The following RHOF variants were observed in gnomAD, a reference collection of about 807,000 sequenced individuals.
The protein encoded by RHOF is ras homolog family member F, filopodia associated.
In RHOF, 21 loss-of-function variants were observed where a neutral mutation model predicts 22.2. The ratio of observed to expected loss-of-function variants is 0.95; its 90% CI spans 0.67 to 1.36. The LOEUF is 1.36. Ranked by LOEUF, RHOF falls within the 40% of genes most tolerant of loss-of-function variation. RHOF has a pLI of 0.00. For synonymous variants in RHOF, 135 were observed against 131.2 expected (o/e 1.03, Z -0.20); for missense variants, 285 against 293.7 (o/e 0.97, Z 0.22).
chr12:121,781,877 T>TC (rs1264412925), intron 2 of RHOF: 1 of 151,238 alleles, frequency 6.6e-6, no homozygotes, highest in Non-Finnish European at 1.5e-5. Flanking sequence ...CAGAGCACAC[T>TC]CCCTGGGGGG....
rs1874429403 is a variant in RHOF, at chr12:121,780,928, T to C, written c.415A>G (p.Lys139Glu). The C allele has an allele frequency of 6.2e-7, 1 of 1,613,908 alleles. No individual in the cohort carries two copies. The highest frequency in any genetic ancestry group is 1.3e-5 in the African/African-American group (1 of 74,918). ...GCCCGGAGCTTCCGCAGCTGCTCCT[T>C]GTCCTTCCTCAGGTCTGTCTTGCAG... ...IGCKTDLRKD[K>E]EQLRKLRAAQ... Residue 139 changes from lysine to glutamate, a missense_variant, in exon 4 of 5, where the codon AAG becomes GAG. Transcript: ENST00000267205.
In RHOF at chr12:121,779,388, GC is replaced by G; in HGVS notation, c.*109del. The G allele has an allele frequency of 8.5e-7, 1 of 1,175,192 alleles. No individual in the cohort carries two copies. The highest frequency in any genetic ancestry group is 1.5e-5 in the African/African-American group (1 of 65,222). The allele number at this position is 1,175,192 out of a possible 1,614,324, so 72.8% of individuals were successfully genotyped here. A position where few individuals can be genotyped will look rare whatever the true frequency, so the allele number is the denominator to read the frequency against. ...GAATGTTCCAAGAGTCTAGCCGCAG[GC>G]CCCAGACACCATGAGCTGGAGGGTC... On this transcript the variant is annotated 3_prime_UTR_variant, in exon 5 of 5. Transcript: ENST00000267205.
chr12:121,793,387 G>A, intron 1 of RHOF, 109 bp downstream of exon 1: 1 of 1,469,944 alleles, frequency 6.8e-7, no homozygotes, highest in African/African-American at 1.4e-5. Flanking sequence ...GCGCCCCGGG[G>A]TGGCGGCCGC....
At chr12:121,788,037 G>A (rs1483050281) in intron 2 of RHOF, among the ~76,000 whole-genome samples, 2 of 151,952 alleles carry the variant, frequency 1.3e-5, no homozygotes, top group East Asian at 1.9e-4. Context: ...AGCTGGGGCC[G>A]CAGGTGTGTA....
intron 2 of RHOF, chr12:121,782,276 C>G (rs1185571465): frequency 6.6e-6 from 1 of 152,348 alleles, no homozygotes; most frequent in Non-Finnish European, 1.5e-5. Context: ...GCATTCTAAT[C>G]TGATCCACAG....
At position 121,779,367 on chromosome 12, in the gene RHOF, G is replaced by A; in HGVS notation, c.*131C>T. On this transcript the variant is annotated 3_prime_UTR_variant, in exon 5 of 5. Coordinates refer to ENST00000267205, the MANE Select transcript of RHOF (RefSeq NM_019034.3). ...CCAGGAAAGGAGAGAGTTCCAGAAT[G>A]TTCCAAGAGTCTAGCCGCAGGCCCC... 1 of 953,344 alleles carries A rather than the reference G, an allele frequency of 1.0e-6. No individual in the cohort carries two copies. The highest frequency in any genetic ancestry group is 1.5e-6 in the Non-Finnish European group (1 of 651,674). The allele number at this position is 953,344 out of a possible 1,614,324, so 59.1% of individuals were successfully genotyped here.
chr12:121,793,580 C>T lies in RHOF; in HGVS notation c.54G>A (p.Lys18=). 6.4e-7 allele frequency: 1 copy of T among 1,553,372 alleles called. No individual in the cohort carries two copies. Among genetic ancestry groups the T allele is most frequent in the Non-Finnish European group, 8.7e-7 (1 of 1,153,200 alleles). Residue 18 remains lysine, a synonymous_variant, in exon 1 of 5, where the codon AAG becomes AAA. Transcript: ENST00000267205. ...CGCCCACGATCACGATCTTCAGCTC[C>T]TTCCTGCCCGGACCGGGGGCGGCGG... ...AQTAAPGPGR[K]ELKIVIVGDG...
At chr12:121,787,860 C>T (rs1874649073) in intron 2 of RHOF, among the ~76,000 whole-genome samples, 1 of 135,052 alleles carries the variant, frequency 7.4e-6, no homozygotes, top group Non-Finnish European at 1.5e-5. Flanking sequence ...CACTACACTC[C>T]AGCCTGGGCA....
intron 4 of RHOF, chr12:121,780,578 C>T: frequency 1.9e-6 from 1 of 516,474 alleles, no homozygotes; most frequent in South Asian, 3.3e-5. Flanking sequence ...CCTGGCTCCA[C>T]TTCTCGCTAG....
intron 2 of RHOF, among the ~76,000 whole-genome samples, chr12:121,790,120 G>C (rs1874726351): frequency 6.6e-6 from 1 of 152,216 alleles, no homozygotes; most frequent in African/African-American, 2.4e-5. Flanking sequence ...CTCCGCTGTG[G>C]TGTCTGTAAC....
rs757945270 is a variant in RHOF at position 121,779,457 on chromosome 12, C to G, written c.*41G>C. On this transcript the variant is annotated 3_prime_UTR_variant, in exon 5 of 5. Coordinates refer to ENST00000267205, the MANE Select transcript of RHOF (RefSeq NM_019034.3). Reference sequence around the variant, plus strand: ...CTGGTGCAATCGGCACCTGGGCCCCCGGGCCCTGTCAGTGCTGTCGTGAGG... The same window carrying G: ...CTGGTGCAATCGGCACCTGGGCCCCGGGGCCCTGTCAGTGCTGTCGTGAGG... 2 of 1,597,486 alleles carry G rather than the reference C, an allele frequency of 1.3e-6. No homozygotes were observed. Among genetic ancestry groups the G allele is most frequent in the South Asian group, 2.2e-5 (2 of 90,700 alleles).
At chr12:121,785,916 TTTTC>T (rs1226659468) in intron 2 of RHOF, among the ~76,000 whole-genome samples, 2 of 131,906 alleles carry the variant, frequency 1.5e-5, no homozygotes, top group Non-Finnish European at 3.2e-5. Flanking sequence ...CAGCCTTTTC[TTTTC>T]TTTGTTTGTT....
chr12:121,779,890 CCT>C (rs1874384075), intron 4 of RHOF: 1 of 538,948 alleles, frequency 1.9e-6, no homozygotes, highest in East Asian at 3.0e-5. Context: ...CCCACCCTGG[CCT>C]CTCTCCAGCT....
At chr12:121,791,864 G>C (rs1415054882) in intron 2 of RHOF, among the ~76,000 whole-genome samples, 1 of 152,206 alleles carries the variant, frequency 6.6e-6, no homozygotes, top group Admixed American at 6.5e-5. Flanking sequence ...TCAAAAAGTG[G>C]GTCAATGACC....
intron 4 of RHOF, chr12:121,780,088 G>T (rs1029650624): frequency 1.2e-5 from 2 of 164,226 alleles, no homozygotes; most frequent in African/African-American, 2.4e-5. Flanking sequence ...ATGGAGTTTT[G>T]CTCTTGTTAC....
At chr12:121,780,654 G>A (rs943472312) in intron 4 of RHOF, 2 of 596,324 alleles carry the variant, frequency 3.4e-6, no homozygotes, top group East Asian at 2.9e-5. Context: ...TAAACTGGGG[G>A]ATGTGAACAG....
Position 121,781,198 on chromosome 12 carries a change from A to G in RHOF, c.227-6T>C. ...CCGGTCATAGTCTTCTTGCCCTGAA[A>G]GCACAGAGCAGCGGGGGTCAGGGGA... On this transcript the variant is annotated splice_polypyrimidine_tract_variant and splice_region_variant and intron_variant, in intron 2 of 4. Coordinates refer to ENST00000267205, the MANE Select transcript of RHOF (RefSeq NM_019034.3). 6.2e-7 allele frequency: 1 copy of G among 1,613,412 alleles called. No homozygotes were observed. Among genetic ancestry groups the G allele is most frequent in the Non-Finnish European group, 8.5e-7 (1 of 1,179,354 alleles).
rs1252189849 is a variant in RHOF, at chr12:121,779,482, G to A, written c.*16C>T. ...CGGGCCCTGTCAGTGCTGTCGTGAG[G>A]TCTGTCTGCCCTGGGTCAGAGCAGC... On this transcript the variant is annotated 3_prime_UTR_variant, in exon 5 of 5. Transcript: ENST00000267205. 1 of 1,609,420 alleles carries A rather than the reference G, an allele frequency of 6.2e-7. No individual in the cohort carries two copies. Among genetic ancestry groups the A allele is most frequent in the African/African-American group, 1.3e-5 (1 of 74,924 alleles).
At chr12:121,791,229 G>A (rs1322728487) in intron 2 of RHOF, among the ~76,000 whole-genome samples, 12 of 151,556 alleles carry the variant, frequency 7.9e-5, no homozygotes, top group African/African-American at 2.7e-4. Context: ...GGGTTCAAAC[G>A]ATTCTCCTGC....
Sources: gnomAD v4.1 joint callset for allele counts (sites outside exome capture counted in the v4.1 genomes callset) on GRCh38, gnomAD v4.1.1 for gene constraint, MANE v1.5 for transcripts, NCBI Gene and HGNC (gene_info 2026-07-23, HGNC 2026-07-21) for gene names.